The following NRXN1 variants were observed in gnomAD, a reference collection of about 807,000 sequenced individuals.
NRXN1 encodes neurexin-1.
Under a neutral mutation model 150.9 loss-of-function variants are expected in NRXN1, and 39 were observed. That is an observed-to-expected ratio of 0.26 (90% CI 0.20 to 0.34). The LOEUF (loss-of-function observed/expected upper bound fraction) is 0.34. Among genes scored for constraint, NRXN1 ranks in the 10% least tolerant of loss-of-function variants. The pLI, the probability that NRXN1 is intolerant of heterozygous loss-of-function variation, is 1.00. For synonymous variants in NRXN1, 924 were observed against 757.0 expected, an observed-to-expected ratio of 1.22 and a Z score of -3.62; for missense variants, 1,815 against 1,949.9, an observed-to-expected ratio of 0.93 and a Z score of 1.30.
intron 18 of NRXN1, among the ~76,000 whole-genome samples, chr2:50,128,931 C>A (rs1198480930): frequency 1.3e-5 from 2 of 150,386 alleles, no homozygotes; most frequent in South Asian, 2.1e-4. Context: ...TGCAGTGAGC[C>A]GAGATCACAC....
At chr2:50,290,410 CT>C (rs2072767718) in intron 17 of NRXN1, among the ~76,000 whole-genome samples, 1 of 152,186 alleles carries the variant, frequency 6.6e-6, no homozygotes, top group East Asian at 1.9e-4. Flanking sequence ...GCCACACTTC[CT>C]TCCAAACATT....
intron 17 of NRXN1, among the ~76,000 whole-genome samples, chr2:50,321,622 A>G (rs1455284827): frequency 6.6e-6 from 1 of 152,132 alleles, no homozygotes; most frequent in African/African-American, 2.4e-5. Context: ...TTGAATATTC[A>G]CTACCTTTTA....
At chr2:51,005,305 T>C (rs1296421104) in intron 2 of NRXN1, among the ~76,000 whole-genome samples, 1 of 152,012 alleles carries the variant, frequency 6.6e-6, no homozygotes, top group Non-Finnish European at 1.5e-5. Context: ...AATTGACATA[T>C]AATAATTGCA....
intron 5 of NRXN1, among the ~76,000 whole-genome samples, chr2:50,705,939 T>C (rs1694374425): frequency 6.6e-6 from 1 of 152,176 alleles, no homozygotes; most frequent in Admixed American, 6.5e-5. Context: ...AAGGAGTCAG[T>C]AAGTAGTACA....
At chr2:50,079,589 T>C (rs1697632587) in intron 19 of NRXN1, among the ~76,000 whole-genome samples, 2 of 152,136 alleles carry the variant, frequency 1.3e-5, no homozygotes, top group South Asian at 4.1e-4. Flanking sequence ...TTCAGACTCT[T>C]GAATGTATAT....
intron 5 of NRXN1, among the ~76,000 whole-genome samples, chr2:50,782,755 G>A (rs1360027737): frequency 6.6e-6 from 1 of 152,148 alleles, no homozygotes; most frequent in African/African-American, 2.4e-5. Context: ...TTATTTCTGG[G>A]TTATGGCTGG....
Position 50,935,960 on chromosome 2 carries a change from T to C in NRXN1, c.773-10005A>G, listed in dbSNP as rs928665838. On this transcript the variant is annotated intron_variant, in intron 2 of 22. Transcript: ENST00000401669. ...GGCCTGCTCCAAAGATTAAATATCT[T>C]TAATGATTATAGAAAACTGACCTTT... 5.3e-5 allele frequency among the ~76,000 whole-genome samples: 8 copies of C among 152,252 alleles called. No individual in the cohort carries two copies. The East Asian group carries it at 1.5e-3, about 29-fold the overall frequency.
At chr2:51,004,309 G>T (rs1700434428) in intron 2 of NRXN1, among the ~76,000 whole-genome samples, 1 of 151,892 alleles carries the variant, frequency 6.6e-6, no homozygotes, top group Non-Finnish European at 1.5e-5. Context: ...AGTTATAGCA[G>T]CCAATACATA....
intron 5 of NRXN1, among the ~76,000 whole-genome samples, chr2:50,921,470 A>G (rs1326427316): frequency 6.6e-6 from 1 of 151,812 alleles, no homozygotes; most frequent in African/African-American, 2.4e-5. Flanking sequence ...AGTGGTGCAC[A>G]TGCTTAGACT....
chr2:50,218,567 C>A (rs928210180), intron 18 of NRXN1, among the ~76,000 whole-genome samples: 2 of 151,562 alleles, frequency 1.3e-5, no homozygotes, highest in African/African-American at 4.8e-5. Context: ...GATTATAGCC[C>A]CCTCCCCACC....
chr2:50,031,491 G>T (rs1689172068), intron 21 of NRXN1, among the ~76,000 whole-genome samples: 2 of 151,432 alleles, frequency 1.3e-5, no homozygotes, highest in African/African-American at 4.9e-5. Context: ...CTTAGCCAAT[G>T]AGTTACTTTT....
chr2:49,995,329 A>G (rs934412616), intron 21 of NRXN1, among the ~76,000 whole-genome samples: 1 of 152,170 alleles, frequency 6.6e-6, no homozygotes, highest in African/African-American at 2.4e-5. Flanking sequence ...TTTTAATAAC[A>G]TTGTCATGTG....
intron 19 of NRXN1, among the ~76,000 whole-genome samples, chr2:50,083,934 C>A (rs1460138243): frequency 6.6e-6 from 1 of 151,974 alleles, no homozygotes; most frequent in Non-Finnish European, 1.5e-5. Context: ...AGACACAGAG[C>A]GCAGATTGGT....
chr2:50,320,285 TATATATATATATATATATATATATA>T, intron 17 of NRXN1, among the ~76,000 whole-genome samples: 2 of 57,674 alleles, frequency 3.5e-5, no homozygotes, highest in South Asian at 1.3e-3. Context: ...ACCTCAATCA[TATATATATATATATATATATATATA>T]TATATATATA....
chr2:50,188,289 G>T (rs980671356), intron 18 of NRXN1, among the ~76,000 whole-genome samples: 1 of 152,000 alleles, frequency 6.6e-6, no homozygotes, highest in Non-Finnish European at 1.5e-5. Context: ...TCCCTATTTA[G>T]TAAATGGTGT....
At chr2:50,862,701 A>G (rs2106040874) in intron 5 of NRXN1, among the ~76,000 whole-genome samples, 1 of 152,184 alleles carries the variant, frequency 6.6e-6, no homozygotes, top group Non-Finnish European at 1.5e-5. Flanking sequence ...TGTTAATGCT[A>G]GGCACTTTAC....
intron 2 of NRXN1, among the ~76,000 whole-genome samples, chr2:51,016,759 T>C (rs1441278228): frequency 6.6e-6 from 1 of 152,166 alleles, no homozygotes; most frequent in Non-Finnish European, 1.5e-5. Flanking sequence ...ACTGGGTATA[T>C]ACCCAAAGGA....
chr2:50,972,913 G>T (rs946015351), intron 2 of NRXN1, among the ~76,000 whole-genome samples: 1 of 152,180 alleles, frequency 6.6e-6, no homozygotes, highest in African/African-American at 2.4e-5. Context: ...AAAATCAACT[G>T]CCATCTGCCT....
chr2:50,334,209 A>ATATATATATATATATATGTATGTATATG (rs760530144), intron 17 of NRXN1, among the ~76,000 whole-genome samples: 5 of 121,440 alleles, frequency 4.1e-5, no homozygotes, highest in African/African-American at 1.8e-4. Context: ...ATATATATAT[A>ATATATATATATATATATGTATGTATATG]TATGTATGTA....
Sources: gnomAD v4.1 joint callset for allele counts (sites outside exome capture counted in the v4.1 genomes callset) on GRCh38, gnomAD v4.1.1 for gene constraint, MANE v1.5 for transcripts, NCBI Gene and HGNC (gene_info 2026-07-23, HGNC 2026-07-21) for gene names.